IMPG2: variants seen among roughly 807,000 people sequenced by gnomAD.
IMPG2 encodes IPM 200.
Under a neutral mutation model 129.2 loss-of-function variants are expected in IMPG2, and 91 were observed. That is an observed-to-expected ratio of 0.70 (90% CI 0.59 to 0.84). IMPG2 has a LOEUF of 0.84. IMPG2 is among the 40% of genes least tolerant of loss of function. The pLI, the probability that IMPG2 is intolerant of heterozygous loss-of-function variation, is 0.00. For missense variants in IMPG2, 1,430 were observed against 1,461.7 expected (o/e 0.98, Z 0.35); for synonymous variants, 510 against 517.7 (o/e 0.99, Z 0.20).
At chr3:101,263,742 T>C (rs1257336140) in intron 9 of IMPG2, among the ~76,000 whole-genome samples, 3 of 149,482 alleles carry the variant, frequency 2.0e-5, no homozygotes, top group Non-Finnish European at 4.5e-5. Flanking sequence ...AAAATAAATA[T>C]ACAAAAGATT....
At chr3:101,256,178 AAAG>A (rs1449805469) in intron 10 of IMPG2, among the ~76,000 whole-genome samples, 2 of 149,704 alleles carry the variant, frequency 1.3e-5, no homozygotes, top group African/African-American at 5.0e-5. Flanking sequence ...AGAAAGAAAG[AAAG>A]AAAGAAAGAA....
intron 2 of IMPG2, among the ~76,000 whole-genome samples, chr3:101,312,192 A>G (rs1707269436): frequency 6.6e-6 from 1 of 152,164 alleles, no homozygotes; most frequent in South Asian, 2.1e-4. Flanking sequence ...GACTTCATCA[A>G]AATAAAAAAC....
intron 3 of IMPG2, among the ~76,000 whole-genome samples, chr3:101,299,994 C>G (rs1707122598): frequency 6.6e-6 from 1 of 152,206 alleles, no homozygotes; most frequent in Non-Finnish European, 1.5e-5. Flanking sequence ...CTCAGCACTA[C>G]CAGGAGGGAA....
chr3:101,242,969 C>CAAACA, intron 13 of IMPG2, 62 bp from the exon 14 acceptor site: 1 of 1,328,746 alleles, frequency 7.5e-7, no homozygotes, highest in East Asian at 2.3e-5. Context: ...AATACATACC[C>CAAACA]AAACAAAACA....
intron 4 of IMPG2, among the ~76,000 whole-genome samples, chr3:101,289,720 T>G (rs1559654596): frequency 2.0e-5 from 3 of 151,898 alleles, no homozygotes; most frequent in Non-Finnish European, 4.4e-5. Flanking sequence ...GAGAGGCACA[T>G]GATCAAATTT....
chr3:101,229,180 C>T (rs767425436), intron 17 of IMPG2, among the ~76,000 whole-genome samples, 200 bp downstream of exon 17: 1 of 149,918 alleles, frequency 6.7e-6, no homozygotes, highest in African/African-American at 2.4e-5. Flanking sequence ...AATAAGGTAC[C>T]GCTTAGAATT....
intron 9 of IMPG2, among the ~76,000 whole-genome samples, chr3:101,261,497 C>G (rs1397501457): frequency 6.6e-6 from 1 of 152,130 alleles, no homozygotes; most frequent in Admixed American, 6.6e-5. Flanking sequence ...TAGTGTTACT[C>G]TTTATTGGCA....
intron 2 of IMPG2, among the ~76,000 whole-genome samples, chr3:101,318,149 A>AAATAATAATAATAAT (rs138777161): frequency 4.9e-5 from 7 of 144,172 alleles, no homozygotes; most frequent in Admixed American, 7.0e-5. Flanking sequence ...AAATAGTAAT[A>AAATAATAATAATAAT]AATAATAATA....
rs486814 is a variant in IMPG2 at position 101,226,401 on chromosome 3, G to T, written c.*568C>A. 0.8 allele frequency: 120,973 copies of T among 150,712 alleles called. 48,546 individuals carry two copies. Among genetic ancestry groups the T allele is most frequent in the Admixed American group, 0.83 (12,594 of 15,162 alleles). The allele number at this position is 150,712 out of a possible 1,614,324, so 9.3% of individuals were successfully genotyped here. A position where few individuals can be genotyped will look rare whatever the true frequency, so the allele number is the denominator to read the frequency against. ...TGATAGAAGCATAAAAATACAACCC[G>T]AATTCTATCCTGCAGCAAAAAAGTT... On this transcript the variant is annotated 3_prime_UTR_variant, in exon 19 of 19. Coordinates refer to ENST00000193391, the MANE Select transcript of IMPG2 (RefSeq NM_016247.4).
chr3:101,292,223 A>C (rs900464068), intron 3 of IMPG2, among the ~76,000 whole-genome samples: 1 of 152,124 alleles, frequency 6.6e-6, no homozygotes, highest in East Asian at 1.9e-4. Context: ...TTTAGAAATG[A>C]CTCACTGCTC....
chr3:101,301,002 T>C (rs1191468517), intron 3 of IMPG2, among the ~76,000 whole-genome samples: 2 of 152,346 alleles, frequency 1.3e-5, no homozygotes, highest in Admixed American at 6.5e-5. Flanking sequence ...GAAGCCATTG[T>C]CGGGTTATTA....
At position 101,225,835 on chromosome 3, in the gene IMPG2, T is replaced by A. The variant is rs1235601352; in HGVS notation, c.*1134A>T. 1 of 152,244 alleles carries A rather than the reference T, an allele frequency of 6.6e-6. No homozygotes were observed. Among genetic ancestry groups the A allele is most frequent in the Non-Finnish European group, 1.5e-5 (1 of 68,136 alleles). 9.4% of individuals were successfully genotyped at this position (152,244 alleles called of 1,614,324 possible). A position where few individuals can be genotyped will look rare whatever the true frequency, so the allele number is the denominator to read the frequency against. ...AACACTAGGGGGAAAGAGGAAAATT[T>A]CCATTTTCTGTCAAAATTTATATAA... On this transcript the variant is annotated 3_prime_UTR_variant, in exon 19 of 19. Coordinates refer to ENST00000193391, the MANE Select transcript of IMPG2 (RefSeq NM_016247.4).
chr3:101,312,320 C>T (rs1209807319), intron 2 of IMPG2, among the ~76,000 whole-genome samples: 1 of 151,562 alleles, frequency 6.6e-6, no homozygotes, highest in Non-Finnish European at 1.5e-5. Flanking sequence ...AATTACAGCT[C>T]AATAATAAAA....
intron 9 of IMPG2, 24 bp downstream of exon 9, chr3:101,267,487 A>G: frequency 6.2e-7 from 1 of 1,604,334 alleles, no homozygotes; most frequent in East Asian, 2.2e-5. Context: ...TTCAATGGAC[A>G]TTAGAGAAAG....
chr3:101,286,081 C>T (rs186779980), intron 4 of IMPG2, among the ~76,000 whole-genome samples: 13 of 152,008 alleles, frequency 8.6e-5, no homozygotes, highest in African/African-American at 1.7e-4. Flanking sequence ...AAATTCTCTA[C>T]GCCATAATTT....
At chr3:101,309,310 T>G (rs994950175) in intron 2 of IMPG2, among the ~76,000 whole-genome samples, 28 of 152,278 alleles carry the variant, frequency 1.8e-4, no homozygotes, top group Admixed American at 6.5e-4. Flanking sequence ...TAGTCCATTC[T>G]CATGCTGCTG....
Position 101,245,864 on chromosome 3 carries a change from A to C in IMPG2, c.1481T>G (p.Leu494Arg). ...LTLHSVTPAV[L>R]QTGLPVASEE... ...AGAAGCCACAGGCAAGCCAGTCTGA[A>C]GCACTGCCGGGGTGACAGAATGAAG... The change falls in exon 12 of 19, where the codon CTT becomes CGT. Residue 494 changes from leucine to arginine, a missense_variant. Leu to Arg is a moderately radical substitution (Grantham distance 102). Coordinates refer to ENST00000193391, the MANE Select transcript of IMPG2 (RefSeq NM_016247.4). 1.2e-6 allele frequency: 2 copies of C among 1,614,196 alleles called. No homozygotes were observed. The highest frequency in any genetic ancestry group is 1.7e-6 in the Non-Finnish European group (2 of 1,180,020).
At chr3:101,229,331 C>A in intron 17 of IMPG2, 49 bp downstream of exon 17, 1 of 1,373,454 alleles carries the variant, frequency 7.3e-7, no homozygotes, top group Non-Finnish European at 1.0e-6. Context: ...CTCCCCCACA[C>A]ACACACCAGC....
At chr3:101,266,562 C>G (rs1053766084) in intron 9 of IMPG2, among the ~76,000 whole-genome samples, 1 of 152,138 alleles carries the variant, frequency 6.6e-6, no homozygotes, top group Non-Finnish European at 1.5e-5. Flanking sequence ...TATTAAATTG[C>G]GTGCTTATAT....
Sources: allele counts gnomAD v4.1 joint callset (sites outside exome capture counted in the v4.1 genomes callset), GRCh38; gene constraint gnomAD v4.1.1; transcripts MANE v1.5; gene names NCBI Gene and HGNC (gene_info 2026-07-23, HGNC 2026-07-21).